GGTA1: variants seen among roughly 807,000 people sequenced by gnomAD.
The protein encoded by GGTA1 is glycoprotein alpha-galactosyltransferase 1 (inactive).
Under a neutral mutation model 2.6 loss-of-function variants are expected in GGTA1, and 5 were observed. The observed-to-expected ratio is 1.92, with a 90% CI of 1.00 to 4.04. GGTA1 has a LOEUF of 4.04. Ranked by LOEUF, GGTA1 falls within the 30% of genes most tolerant of loss-of-function variation. The pLI is 0.00. For missense variants in GGTA1, 50 were observed against 16.7 expected (o/e 2.99, Z -3.47); for synonymous variants, 17 against 5.0 (o/e 3.38, Z -3.19).
chr9:121,453,538 G>A (rs1195530014), downstream of GGTA1, among the ~76,000 whole-genome samples: 1 of 152,198 alleles, frequency 6.6e-6, no homozygotes, highest in Non-Finnish European at 1.5e-5. Context: ...AGCAGAGACT[G>A]GCACAGGTCA....
intron 1 of GGTA1, among the ~76,000 whole-genome samples, chr9:121,498,011 A>G (rs1005521969): frequency 3.3e-5 from 5 of 152,234 alleles, no homozygotes; most frequent in African/African-American, 1.2e-4. Flanking sequence ...CACGTTGCAC[A>G]CTTCTGGACC....
At chr9:121,466,646 A>G (rs569165423) in intron 2 of GGTA1, among the ~76,000 whole-genome samples, 2 of 152,160 alleles carry the variant, frequency 1.3e-5, no homozygotes, top group South Asian at 4.2e-4. Context: ...AGATCATCAA[A>G]TCTTAGAATT....
chr9:121,491,242 G>C (rs576091764), intron 1 of GGTA1, among the ~76,000 whole-genome samples: 2 of 152,308 alleles, frequency 1.3e-5, no homozygotes, highest in South Asian at 4.1e-4. Flanking sequence ...TCCTCCAGAG[G>C]ACAGCTGGCC....
chr9:121,462,458 A>G (rs185008108), intron 3 of GGTA1, among the ~76,000 whole-genome samples: 40 of 152,302 alleles, frequency 2.6e-4, no homozygotes, highest in Non-Finnish European at 5.0e-4. Flanking sequence ...ATATTATGAA[A>G]TCTGTTTTAA....
intron 1 of GGTA1, among the ~76,000 whole-genome samples, chr9:121,483,487 G>C (rs1018964244): frequency 3.9e-5 from 6 of 152,268 alleles, no homozygotes; most frequent in Admixed American, 6.5e-5. Context: ...CACACATTTA[G>C]GGTCATTCCT....
At chr9:121,496,757 A>AAAAAAAAAAAAAAAAG (rs1554838784) in intron 1 of GGTA1, among the ~76,000 whole-genome samples, 12 of 112,002 alleles carry the variant, frequency 1.1e-4, no homozygotes, top group Non-Finnish European at 1.9e-4. Flanking sequence ...AAAAAAAAAA[A>AAAAAAAAAAAAAAAAG]AGAGAGAGAG....
intron 1 of GGTA1, among the ~76,000 whole-genome samples, chr9:121,484,382 C>T (rs7025103): frequency 0.8 from 120,786 of 151,862 alleles, 49,462 homozygotes; most frequent in Non-Finnish European, 0.9. Flanking sequence ...TTTTTTGAGA[C>T]GGAGTCTCGC....
intron 1 of GGTA1, among the ~76,000 whole-genome samples, chr9:121,477,250 C>G (rs1279664676): frequency 2.0e-5 from 3 of 152,208 alleles, no homozygotes; most frequent in African/African-American, 4.8e-5. Flanking sequence ...TCTAAACTCT[C>G]AGTAATAAAA....
chr9:121,447,107 G>C (rs78473985), exon 8 of GGTA1: 3,072 of 152,674 alleles, frequency 0.02, 47 homozygotes, highest in Non-Finnish European at 0.029. Context: ...TGTCCAGGAG[G>C]ATTCCCTTAA....
intron 3 of GGTA1, 149 bp from the exon 4 acceptor site, chr9:121,461,466 C>G (rs1026230497): frequency 8.1e-6 from 3 of 369,264 alleles, no homozygotes; most frequent in South Asian, 6.4e-5. Context: ...ATGAGACACT[C>G]TAGCTGAATG....
At chr9:121,469,417 C>T (rs990084514) in intron 1 of GGTA1, among the ~76,000 whole-genome samples, 4 of 152,038 alleles carry the variant, frequency 2.6e-5, no homozygotes, top group Admixed American at 2.0e-4. Context: ...AACAGGATGG[C>T]GGACAGGGCA....
chr9:121,477,343 T>C (rs1195124190), intron 1 of GGTA1, among the ~76,000 whole-genome samples: 1 of 152,272 alleles, frequency 6.6e-6, no homozygotes, highest in Non-Finnish European at 1.5e-5. Context: ...TAGAAAACTG[T>C]TGTCAGATAA....
At chr9:121,498,770 G>A (rs1829042870) in intron 1 of GGTA1, among the ~76,000 whole-genome samples, 1 of 152,152 alleles carries the variant, frequency 6.6e-6, no homozygotes, top group African/African-American at 2.4e-5. Context: ...CGGAGGAGCG[G>A]CTCTCACACC....
chr9:121,465,654 G>T (rs1008014498), intron 2 of GGTA1, among the ~76,000 whole-genome samples: 1 of 150,006 alleles, frequency 6.7e-6, no homozygotes. Context: ...GTGGCCATCT[G>T]CCAGCCAGGA....
At chr9:121,480,924 C>T (rs545994863) in intron 1 of GGTA1, among the ~76,000 whole-genome samples, 6 of 152,044 alleles carry the variant, frequency 3.9e-5, no homozygotes, top group African/African-American at 7.2e-5. Context: ...GAGGCCGAGG[C>T]GGGTGGACCA....
At chr9:121,468,690 T>A (rs949466380) in intron 1 of GGTA1, among the ~76,000 whole-genome samples, 1 of 152,220 alleles carries the variant, frequency 6.6e-6, no homozygotes, top group Non-Finnish European at 1.5e-5. Context: ...GAGGAGTCTG[T>A]TCTACCTTAA....
chr9:121,494,301 G>GA, intron 1 of GGTA1, among the ~76,000 whole-genome samples: 1 of 152,294 alleles, frequency 6.6e-6, no homozygotes. Flanking sequence ...TCTGCCTCCT[G>GA]AGACTCTGTT....
At chr9:121,490,375 A>G (rs1828849931) in intron 1 of GGTA1, among the ~76,000 whole-genome samples, 1 of 152,152 alleles carries the variant, frequency 6.6e-6, no homozygotes. Context: ...ACCCGATCTC[A>G]TCTGAAACCT....
intron 1 of GGTA1, among the ~76,000 whole-genome samples, chr9:121,480,104 G>A (rs972444888): frequency 1.4e-5 from 2 of 147,588 alleles, no homozygotes; most frequent in African/African-American, 2.5e-5. Flanking sequence ...CGCCCAGGGC[G>A]GAGTACAGTG....
Sources: gnomAD v4.1 joint callset for allele counts (sites outside exome capture counted in the v4.1 genomes callset) on GRCh38, gnomAD v4.1.1 for gene constraint, MANE v1.5 for transcripts, NCBI Gene and HGNC (gene_info 2026-07-23, HGNC 2026-07-21) for gene names.